TUBB8B: variants seen among roughly 807,000 people sequenced by gnomAD.
TUBB8B encodes HSA18p11 beta-tubulin 4Q pseudogene.
TUBB8B carries 26 observed loss-of-function variants against 31.9 expected under a neutral mutation model. The observed-to-expected ratio is 0.81, with a 90% CI of 0.60 to 1.13. TUBB8B has a LOEUF of 1.13. Ranked by LOEUF, TUBB8B falls within the 50% of genes most tolerant of loss-of-function variation. TUBB8B has a pLI of 0.00. For missense variants in TUBB8B, 467 were observed against 586.7 expected (o/e 0.80, Z 2.11); for synonymous variants, 173 against 231.0 (o/e 0.75, Z 2.28).
chr18:72,196 A>AAAAAAAAAAAAAAAAAAAAAAAAACAAC, the TUBB8B span, among the ~76,000 whole-genome samples: 16 of 84,532 alleles, frequency 1.9e-4, no homozygotes, highest in African/African-American at 3.5e-4. Context: ...AAAAAAAAAA[A>AAAAAAAAAAAAAAAAAAAAAAAAACAAC]AAAGGAAAAA....
the TUBB8B span, among the ~76,000 whole-genome samples, chr18:63,288 A>C: frequency 4.6e-5 from 7 of 151,956 alleles, 1 homozygote; most frequent in African/African-American, 1.7e-4. Flanking sequence ...AACATTTTCC[A>C]GGTGTTCAAA....
the TUBB8B span, among the ~76,000 whole-genome samples, chr18:61,752 T>C: frequency 3.3e-5 from 5 of 151,410 alleles, no homozygotes; most frequent in African/African-American, 9.7e-5. Context: ...TTTAACTCCA[T>C]TGCCATTCTT....
chr18:61,955 C>A, the TUBB8B span, among the ~76,000 whole-genome samples: 1 of 151,742 alleles, frequency 6.6e-6, no homozygotes, highest in African/African-American at 2.4e-5. Context: ...CAGATGACTT[C>A]TTATTGCTTA....
chr18:62,289 G>A, the TUBB8B span, among the ~76,000 whole-genome samples: 1 of 151,512 alleles, frequency 6.6e-6, no homozygotes, highest in African/African-American at 2.4e-5. Context: ...ACCTTTGGGT[G>A]TTCAGTTAAG....
chr18:51,949 G>A (rs1165709178), upstream of TUBB8B, among the ~76,000 whole-genome samples: 2 of 151,498 alleles, frequency 1.3e-5, no homozygotes, highest in Admixed American at 1.3e-4. Context: ...AAGGCTGGGA[G>A]CACCTGTGGA....
the TUBB8B span, among the ~76,000 whole-genome samples, chr18:64,860 T>C: frequency 1.3e-5 from 2 of 152,214 alleles, no homozygotes; most frequent in Admixed American, 1.3e-4. Context: ...GCTAATTTTT[T>C]CCCCTAAACT....
At chr18:51,829 G>A (rs537497009), upstream of TUBB8B, among the ~76,000 whole-genome samples, 76 of 151,956 alleles carry the variant, frequency 5.0e-4, 1 homozygote, top group Admixed American at 4.5e-3. Flanking sequence ...AGGCCTCTCC[G>A]ACCATGTGCA....
At chr18:64,784 A>C in the TUBB8B span, among the ~76,000 whole-genome samples, 1 of 152,024 alleles carries the variant, frequency 6.6e-6, no homozygotes, top group Non-Finnish European at 1.5e-5. Flanking sequence ...GTTAACCCTA[A>C]ACCCTGACTT....
chr18:52,939 A>G (rs1425362363), upstream of TUBB8B, among the ~76,000 whole-genome samples: 2 of 151,800 alleles, frequency 1.3e-5, no homozygotes, highest in Non-Finnish European at 2.9e-5. Context: ...AGTCGGGGCT[A>G]TTCGTTTTAA....
At chr18:67,887 G>T in the TUBB8B span, among the ~76,000 whole-genome samples, 1 of 151,808 alleles carries the variant, frequency 6.6e-6, no homozygotes, top group Admixed American at 6.6e-5. Flanking sequence ...TATGACACTC[G>T]TAAGACTGAT....
the TUBB8B span, among the ~76,000 whole-genome samples, chr18:72,765 C>T: frequency 1.2e-4 from 18 of 152,008 alleles, no homozygotes; most frequent in Admixed American, 1.0e-3. Context: ...GTTGGGAGTT[C>T]GAGACCAGCC....
chr18:68,149 T>C, the TUBB8B span, among the ~76,000 whole-genome samples: 22 of 152,164 alleles, frequency 1.4e-4, no homozygotes, highest in African/African-American at 4.1e-4. Context: ...TTTATTGCCA[T>C]GGTATTACTG....
upstream of TUBB8B, among the ~76,000 whole-genome samples, chr18:53,010 C>G (rs543627340): frequency 6.6e-6 from 1 of 151,748 alleles, no homozygotes; most frequent in Non-Finnish European, 1.5e-5. Context: ...AGAAAAAATG[C>G]TGCACTCCTA....
chr18:49,599 A>T lies in TUBB8B; in HGVS notation c.-42T>A. Reference sequence around the variant, plus strand: ...GGGCGGCAGCAGAAGCGCGAGAAGGAGGAGCAGACGCGCAGCGACCCAGCC... The same window carrying T: ...GGGCGGCAGCAGAAGCGCGAGAAGGTGGAGCAGACGCGCAGCGACCCAGCC... On this transcript the variant is annotated 5_prime_UTR_variant, in exon 1 of 4. Coordinates refer to ENST00000308911, the MANE Select transcript of TUBB8B (RefSeq NM_001358689.2). 1.3e-6 allele frequency: 1 copy of T among 770,292 alleles called. No individual in the cohort carries two copies. The highest frequency in any genetic ancestry group is 2.2e-6 in the Non-Finnish European group (1 of 447,182). The allele number at this position is 770,292 out of a possible 1,614,324, so 47.7% of individuals were successfully genotyped here.
the TUBB8B span, among the ~76,000 whole-genome samples, chr18:66,517 C>T: frequency 6.9e-6 from 1 of 145,312 alleles, no homozygotes; most frequent in Non-Finnish European, 1.5e-5. Flanking sequence ...TGCCACAGCA[C>T]TCCAGCCTGG....
In TUBB8B at chr18:47,671, C is replaced by T. The variant is rs1353260889; in HGVS notation, c.1054G>A (p.Ala352Thr). Residue 352 changes from alanine (A) to threonine (T), a missense_variant, in exon 4 of 4, where the codon GCC becomes ACC. This residue lies in a region of TUBB8B where 208 missense variants were observed against 206.7 expected (regional missense o/e 1.01). Coordinates refer to ENST00000308911, the MANE Select transcript of TUBB8B (RefSeq NM_001358689.2). ...CCCCGGGGTGGGATGTCACAGACGG[C>T]TGTTTTTACGTTGTCGGGGAACCAG... Reference protein sequence around the residue: ...ADWFPDNVKTAVCDIPPRGLK... With the variant: ...ADWFPDNVKTTVCDIPPRGLK... 13 of 1,612,324 alleles carry T rather than the reference C, an allele frequency of 8.1e-6. No individual in the cohort carries two copies. The East Asian group carries it at 1.3e-4, about 17-fold the overall frequency.
the TUBB8B span, among the ~76,000 whole-genome samples, chr18:71,393 CA>C: frequency 6.6e-6 from 1 of 150,878 alleles, no homozygotes; most frequent in Non-Finnish European, 1.5e-5. Context: ...ACTAAAAATA[CA>C]AAATTAGCCA....
the TUBB8B span, among the ~76,000 whole-genome samples, chr18:55,213 G>A: frequency 2.6e-5 from 4 of 151,684 alleles, no homozygotes; most frequent in Admixed American, 6.6e-5. Context: ...GCAATTCTCT[G>A]CCTCAGCCTC....
At chr18:63,464 C>A in the TUBB8B span, among the ~76,000 whole-genome samples, 7 of 151,490 alleles carry the variant, frequency 4.6e-5, no homozygotes, top group African/African-American at 9.7e-5. Context: ...CTGTGCTAAG[C>A]CATGTGGAGC....
Sources: gnomAD v4.1 joint callset for allele counts (sites outside exome capture counted in the v4.1 genomes callset) on GRCh38, gnomAD v4.1.1 for gene constraint, gnomAD v4.1.1 regional missense constraint, MANE v1.5 for transcripts, NCBI Gene and HGNC (gene_info 2026-07-23, HGNC 2026-07-21) for gene names.